FNIP2: variants seen among roughly 807,000 people sequenced by gnomAD.
The protein encoded by FNIP2 is folliculin interacting protein 2, also known as folliculin-interacting protein 2.
FNIP2 carries 32 observed loss-of-function variants against 108.7 expected under a neutral mutation model. The ratio of observed to expected loss-of-function variants is 0.29; its 90% confidence interval spans 0.22 to 0.40. The LOEUF (loss-of-function observed/expected upper bound fraction) is 0.40. FNIP2 is among the 10% of genes least tolerant of loss of function. The probability of loss-of-function intolerance (pLI) is 1.00; values close to 1 mark genes in which losing one functional copy is unlikely to be tolerated. For missense variants in FNIP2, 1,202 were observed against 1,381.6 expected (o/e 0.87, Z 2.06); for synonymous variants, 480 against 496.7 (o/e 0.97, Z 0.45).
At chr4:158,846,922 C>T (rs1056942150) in intron 7 of FNIP2, among the ~76,000 whole-genome samples, 1 of 152,148 alleles carries the variant, frequency 6.6e-6, no homozygotes, top group African/African-American at 2.4e-5. Flanking sequence ...ATTGCCAGCG[C>T]CACCCCTCCC....
intron 1 of FNIP2, among the ~76,000 whole-genome samples, chr4:158,818,584 G>T (rs1434375959): frequency 6.6e-6 from 1 of 152,152 alleles, no homozygotes; most frequent in African/African-American, 2.4e-5. Flanking sequence ...TAATTTGTTT[G>T]TTTTGGGGGT....
chr4:158,819,511 A>G (rs1249179002), intron 1 of FNIP2, among the ~76,000 whole-genome samples: 1 of 152,242 alleles, frequency 6.6e-6, no homozygotes, highest in Non-Finnish European at 1.5e-5. Flanking sequence ...GTGATTTTTT[A>G]TGCAGTTCCA....
chr4:158,823,669 C>G (rs935676318), intron 1 of FNIP2, among the ~76,000 whole-genome samples: 1 of 152,200 alleles, frequency 6.6e-6, no homozygotes, highest in Admixed American at 6.5e-5. Context: ...CTGTTTCATT[C>G]TATTGCTCAC....
At position 158,878,888 on chromosome 4, in the gene FNIP2, A is replaced by G. The variant is rs1019025177; in HGVS notation, c.2949+8419A>G. 3.3e-5 allele frequency among the ~76,000 whole-genome samples: 5 copies of G among 151,228 alleles called. 1 individual carries two copies. Among genetic ancestry groups the G allele is most frequent in the African/African-American group, 1.2e-4 (5 of 40,838 alleles). The stretch of plus-strand genomic sequence containing the variant: ...GTAAGAACTAAAAACAACTTCTAAA[A>G]TTGAAAAATAGTCCCTGAAATTAAA... On this transcript the variant is annotated intron_variant, in intron 14 of 16. Transcript: ENST00000264433.
At chr4:158,775,716 TTC>T (rs1775839630) in intron 1 of FNIP2, among the ~76,000 whole-genome samples, 1 of 152,242 alleles carries the variant, frequency 6.6e-6, no homozygotes, top group African/African-American at 2.4e-5. Flanking sequence ...TTATTGCACT[TTC>T]TGTTTGTGCC....
chr4:158,871,527 GAA>G, intron 14 of FNIP2: 1 of 985,180 alleles, frequency 1.0e-6, no homozygotes, highest in Non-Finnish European at 1.2e-6. Context: ...TGTGAAGTGG[GAA>G]AAAAACTCAG....
chr4:158,812,082 G>A (rs753318700), intron 1 of FNIP2, among the ~76,000 whole-genome samples: 8 of 152,166 alleles, frequency 5.3e-5, no homozygotes, highest in Non-Finnish European at 8.8e-5. Context: ...ATGGTTTAGC[G>A]GCTGCACACT....
At chr4:158,789,489 A>G (rs1056860549) in intron 1 of FNIP2, among the ~76,000 whole-genome samples, 1 of 152,232 alleles carries the variant, frequency 6.6e-6, no homozygotes, top group African/African-American at 2.4e-5. Flanking sequence ...CTTTATAATG[A>G]TGTTTCTGAT....
At chr4:158,772,217 G>T (rs1280916574) in intron 1 of FNIP2, among the ~76,000 whole-genome samples, 2 of 152,106 alleles carry the variant, frequency 1.3e-5, no homozygotes, top group Non-Finnish European at 2.9e-5. Flanking sequence ...ATAATGCTTC[G>T]TACCAGAAAA....
intron 1 of FNIP2, chr4:158,806,040 C>CTTTT (rs11378632): frequency 7.6e-6 from 5 of 657,136 alleles, no homozygotes; most frequent in Non-Finnish European, 3.8e-6. Context: ...AATGTTCCAC[C>CTTTT]TTTTTTTTTT....
Position 158,886,595 on chromosome 4 carries a change from A to G in FNIP2, c.2950-4851A>G, listed in dbSNP as rs1278377356. ...TTTCTCAGCTGATGGAGGAAGTACA[A>G]ACATATCGCAGATCCATTCTAATAG... On this transcript the variant is annotated intron_variant, in intron 14 of 16. Transcript: ENST00000264433. Among the ~76,000 whole-genome samples the G allele has an allele frequency of 3.9e-5, 6 of 152,338 alleles. 1 individual carries two copies. Among genetic ancestry groups the G allele is most frequent in the South Asian group, 4.1e-4 (2 of 4,820 alleles).
intron 8 of FNIP2, among the ~76,000 whole-genome samples, chr4:158,853,290 T>A (rs1450135984): frequency 6.6e-6 from 1 of 152,210 alleles, no homozygotes; most frequent in Non-Finnish European, 1.5e-5. Context: ...TGGCAAATAA[T>A]TTTTGATAAT....
chr4:158,879,743 C>T (rs1331941845), intron 14 of FNIP2, among the ~76,000 whole-genome samples: 1 of 150,178 alleles, frequency 6.7e-6, no homozygotes, highest in African/African-American at 2.5e-5. Flanking sequence ...AACAGATTTA[C>T]AAGAAAAAAG....
intron 14 of FNIP2, among the ~76,000 whole-genome samples, chr4:158,882,221 C>T: frequency 6.6e-6 from 1 of 151,818 alleles, no homozygotes; most frequent in Non-Finnish European, 1.5e-5. Flanking sequence ...AGGAGCCCCT[C>T]CGCCCGGCAG....
At chr4:158,779,134 A>C (rs1775953014) in intron 1 of FNIP2, among the ~76,000 whole-genome samples, 1 of 152,230 alleles carries the variant, frequency 6.6e-6, no homozygotes, top group South Asian at 2.1e-4. Flanking sequence ...ACTCTTTTAC[A>C]GCTCAATTTG....
At chr4:158,840,026 C>T (rs1438380581) in intron 7 of FNIP2, among the ~76,000 whole-genome samples, 3 of 152,108 alleles carry the variant, frequency 2.0e-5, no homozygotes, top group Non-Finnish European at 4.4e-5. Flanking sequence ...TAGTGGTTCC[C>T]ATTAGAAATT....
At chr4:158,780,385 T>A (rs188112195) in intron 1 of FNIP2, among the ~76,000 whole-genome samples, 1 of 152,310 alleles carries the variant, frequency 6.6e-6, no homozygotes, top group East Asian at 1.9e-4. Context: ...AATAGCTATT[T>A]CTCAAGAATT....
intron 16 of FNIP2, 89 bp downstream of exon 16, chr4:158,895,954 A>T: frequency 1.1e-6 from 1 of 934,556 alleles, no homozygotes; most frequent in East Asian, 2.6e-5. Flanking sequence ...GTCACCCTAA[A>T]CCTCAGGCCC....
intron 16 of FNIP2, among the ~76,000 whole-genome samples, chr4:158,900,459 G>A (rs1369812436): frequency 6.6e-6 from 1 of 152,148 alleles, no homozygotes; most frequent in Non-Finnish European, 1.5e-5. Flanking sequence ...CATTATTATT[G>A]TGTGGGAGCC....
Sources: gnomAD v4.1 joint callset for allele counts (sites outside exome capture counted in the v4.1 genomes callset) on GRCh38, gnomAD v4.1.1 for gene constraint, MANE v1.5 for transcripts, NCBI Gene and HGNC (gene_info 2026-07-23, HGNC 2026-07-21) for gene names.